Variants in BBS9 observed in about 807,000 individuals in gnomAD.
The protein encoded by BBS9 is Bardet-Biedl syndrome 9.
Under a neutral mutation model 117.7 loss-of-function variants are expected in BBS9, and 89 were observed. The observed-to-expected ratio is 0.76, with a 90% CI of 0.64 to 0.90. The LOEUF (loss-of-function observed/expected upper bound fraction) is 0.90, where lower values mean the gene tolerates loss of function less well. Among genes scored for constraint, BBS9 ranks in the 40% least tolerant of loss-of-function variants. The pLI, the probability that BBS9 is intolerant of heterozygous loss-of-function variation, is 0.00. For synonymous variants in BBS9, 379 were observed against 370.9 expected (o/e 1.02, Z -0.25); for missense variants, 982 against 1,042.2 (o/e 0.94, Z 0.80).
chr7:33,298,995 G>A (rs1805830302), intron 9 of BBS9, among the ~76,000 whole-genome samples: 1 of 152,162 alleles, frequency 6.6e-6, no homozygotes, highest in Non-Finnish European at 1.5e-5. Context: ...TATTGTTGTT[G>A]ATAACTGTTT....
At chr7:33,416,048 G>C (rs1262038739) in intron 19 of BBS9, among the ~76,000 whole-genome samples, 2 of 151,946 alleles carry the variant, frequency 1.3e-5, no homozygotes, top group African/African-American at 2.4e-5. Flanking sequence ...TGCCCAGGCT[G>C]GTCTCAAATT....
intron 19 of BBS9, among the ~76,000 whole-genome samples, chr7:33,462,588 A>T (rs1839623279): frequency 6.6e-6 from 1 of 152,124 alleles, no homozygotes; most frequent in Non-Finnish European, 1.5e-5. Flanking sequence ...TTCCTAATGT[A>T]TGTAGTTCAC....
intron 9 of BBS9, among the ~76,000 whole-genome samples, chr7:33,309,918 G>A (rs1808856104): frequency 6.6e-6 from 1 of 152,172 alleles, no homozygotes; most frequent in African/African-American, 2.4e-5. Context: ...CTCATAATTA[G>A]GAGGCAGGAT....
intron 4 of BBS9, among the ~76,000 whole-genome samples, chr7:33,166,307 A>T (rs1036545282): frequency 2.6e-5 from 4 of 152,204 alleles, no homozygotes; most frequent in East Asian, 3.9e-4. Flanking sequence ...TAGGCTACTC[A>T]GGGTTCAGGG....
In BBS9 at chr7:33,434,648, A is replaced by G. The variant is rs562306874; in HGVS notation, c.2115+46504A>G. Among the ~76,000 whole-genome samples the G allele has an allele frequency of 2.6e-5, 4 of 152,298 alleles. No homozygotes were observed. The East Asian group carries it at 5.8e-4, about 22-fold the overall frequency. On this transcript the variant is annotated intron_variant, in intron 19 of 22. Transcript: ENST00000242067. ...CTTCATCAGTAATAACTGAGATCTC[A>G]TTGTGTTTCACCTGTGTTTTTAGCC...
At chr7:33,549,725 G>A (rs1391647338) in intron 21 of BBS9, among the ~76,000 whole-genome samples, 1 of 152,002 alleles carries the variant, frequency 6.6e-6, no homozygotes, top group African/African-American at 2.4e-5. Flanking sequence ...AAACCACAAT[G>A]AGATACCATC....
chr7:33,388,680 C>T (rs1172383837), intron 19 of BBS9, among the ~76,000 whole-genome samples: 3 of 152,152 alleles, frequency 2.0e-5, no homozygotes, highest in African/African-American at 7.2e-5. Flanking sequence ...TTATCATTTG[C>T]ATGGCTAGGT....
chr7:33,447,944 G>T (rs1472211089), intron 19 of BBS9, among the ~76,000 whole-genome samples: 1 of 152,224 alleles, frequency 6.6e-6, no homozygotes, highest in Non-Finnish European at 1.5e-5. Flanking sequence ...AGGGAGGCTA[G>T]TGGAGAGGGG....
At chr7:33,165,572 T>TG (rs1795550632) in intron 4 of BBS9, among the ~76,000 whole-genome samples, 1 of 152,054 alleles carries the variant, frequency 6.6e-6, no homozygotes, top group African/African-American at 2.4e-5. Flanking sequence ...TCGCTTTATG[T>TG]CATTAATTTG....
At chr7:33,380,653 G>A (rs1456901858) in intron 17 of BBS9, 1 of 152,244 alleles carries the variant, frequency 6.6e-6, no homozygotes, top group African/African-American at 2.4e-5. Context: ...TGTGTCTTGA[G>A]CAATTTGGCC....
At chr7:33,217,183 G>C (rs1789243124) in intron 5 of BBS9, among the ~76,000 whole-genome samples, 1 of 151,662 alleles carries the variant, frequency 6.6e-6, no homozygotes, top group Non-Finnish European at 1.5e-5. Flanking sequence ...TCTTTTTATT[G>C]AAATTTATAT....
chr7:33,271,759 G>T (rs1382311223), intron 7 of BBS9, among the ~76,000 whole-genome samples: 1 of 152,074 alleles, frequency 6.6e-6, no homozygotes, highest in Non-Finnish European at 1.5e-5. Context: ...CAATAATAGT[G>T]GGAGACTTCA....
At chr7:33,485,711 A>G (rs969657888) in intron 19 of BBS9, among the ~76,000 whole-genome samples, 6 of 152,364 alleles carry the variant, frequency 3.9e-5, no homozygotes, top group African/African-American at 1.4e-4. Flanking sequence ...AATGAATAAC[A>G]GCCTTGACAA....
In BBS9 at chr7:33,584,047, A is replaced by T. The variant is rs111945408; in HGVS notation, c.2522-20818A>T. ...ATTCATGAAGAATGTTATTTAAAGG[A>T]ACATTCCTGGCAGAGGATATAATTT... On this transcript the variant is annotated intron_variant, in intron 21 of 22. Coordinates refer to ENST00000242067, the MANE Select transcript of BBS9 (RefSeq NM_198428.3). Among the ~76,000 whole-genome samples, 788 of 152,118 alleles carry T rather than the reference A, an allele frequency of 5.2e-3. 6 individuals carry two copies. The highest frequency in any genetic ancestry group is 0.019 in the African/African-American group (771 of 41,538).
chr7:33,146,313 G>C lies in BBS9; in HGVS notation c.61G>C (p.Asp21His), dbSNP rs1792334104. The change falls in exon 2 of 23, where the codon GAT becomes CAT. Residue 21 changes from aspartate to histidine, a missense_variant. Asp to His is a moderately conservative substitution (Grantham distance 81, BLOSUM62 -1). Coordinates refer to ENST00000242067, the MANE Select transcript of BBS9 (RefSeq NM_198428.3). ...STILGDKEEF[D>H]QGCLCLANVD... ...TATTCTGGGAGATAAAGAAGAATTT[G>C]ATCAAGGCTGTTTGTGTCTGGCTAA... 2 of 1,614,118 alleles carry C rather than the reference G, an allele frequency of 1.2e-6. No individual in the cohort carries two copies. Among genetic ancestry groups the C allele is most frequent in the Admixed American group, 1.7e-5 (1 of 60,012 alleles).
In BBS9 at chr7:33,155,719, C is replaced by T. The variant is rs768607197; in HGVS notation, c.328+17C>T. On this transcript the variant is annotated intron_variant, in intron 4 of 22. Transcript: ENST00000242067. Reference sequence around the variant, plus strand: ...CTGTCTCAGGTAAGAAATATTTTTACCAATGTAGAATTTATATTACAAATT... The same window carrying T: ...CTGTCTCAGGTAAGAAATATTTTTATCAATGTAGAATTTATATTACAAATT... 1 of 1,084,814 alleles carries T rather than the reference C, an allele frequency of 9.2e-7. No individual in the cohort carries two copies. Among genetic ancestry groups the T allele is most frequent in the Non-Finnish European group, 1.3e-6 (1 of 746,422 alleles). The allele number at this position is 1,084,814 out of a possible 1,614,324, so 67.2% of individuals were successfully genotyped here. A position where few individuals can be genotyped will look rare whatever the true frequency, so the allele number is the denominator to read the frequency against.
At chr7:33,412,915 C>G (rs952604078) in intron 19 of BBS9, among the ~76,000 whole-genome samples, 1 of 152,068 alleles carries the variant, frequency 6.6e-6, no homozygotes, top group African/African-American at 2.4e-5. Context: ...CTTGAGTTAG[C>G]CTTTTATTCT....
At chr7:33,511,636 T>TG (rs1846984974) in intron 20 of BBS9, among the ~76,000 whole-genome samples, 2 of 152,306 alleles carry the variant, frequency 1.3e-5, no homozygotes, top group South Asian at 4.1e-4. Flanking sequence ...AAAGTTAGGA[T>TG]GGAAATTTAC....
In BBS9 at chr7:33,197,396, A is replaced by T. The variant is rs146416514; in HGVS notation, c.442+19805A>T. The stretch of plus-strand genomic sequence containing the variant: ...AGGCTTCCAGCAGTTTCAAAAATGC[A>T]TCTACACAACACATTGCCATGAGAA... On this transcript the variant is annotated intron_variant, in intron 5 of 22. Transcript: ENST00000242067. Among the ~76,000 whole-genome samples, 441 of 152,178 alleles carry T rather than the reference A, an allele frequency of 2.9e-3. 4 individuals carry two copies. The highest frequency in any genetic ancestry group is 9.7e-3 in the African/African-American group (403 of 41,538).
Sources: allele counts gnomAD v4.1 joint callset (sites outside exome capture counted in the v4.1 genomes callset), GRCh38; gene constraint gnomAD v4.1.1; transcripts MANE v1.5; gene names NCBI Gene and HGNC (gene_info 2026-07-23, HGNC 2026-07-21).